The following CRYBG3 variants were observed in gnomAD, a reference collection of about 807,000 sequenced individuals.
CRYBG3 encodes very large A-kinase anchor protein.
Under a neutral mutation model 244.2 loss-of-function variants are expected in CRYBG3, and 127 were observed. The observed-to-expected ratio is 0.52, with a 90% CI of 0.45 to 0.60. The LOEUF (loss-of-function observed/expected upper bound fraction) is 0.60. Among genes scored for constraint, CRYBG3 ranks in the 20% least tolerant of loss-of-function variants. The pLI, the probability that CRYBG3 is intolerant of heterozygous loss-of-function variation, is 0.00. For synonymous variants in CRYBG3, 1,132 were observed against 1,195.8 expected (o/e 0.95, Z 1.10); for missense variants, 3,325 against 3,442.5 (o/e 0.97, Z 0.85).
chr3:97,840,380 G>T lies in CRYBG3; in HGVS notation c.150-2815G>T, dbSNP rs980740763. Reference sequence around the variant, plus strand: ...AAACTCAACACATTTTAAAATTTTGGTTTAGCAATAAGAATCATGCAACTT... The same window carrying T: ...AAACTCAACACATTTTAAAATTTTGTTTTAGCAATAAGAATCATGCAACTT... On this transcript the variant is annotated intron_variant, in intron 1 of 21. Transcript: ENST00000389622. Among the ~76,000 whole-genome samples, 5 of 152,040 alleles carry T rather than the reference G, an allele frequency of 3.3e-5. No homozygotes were observed. In the East Asian group the frequency reaches 9.7e-4, roughly 29 times the overall value.
At chr3:97,904,103 C>A (rs552453716) in intron 15 of CRYBG3, among the ~76,000 whole-genome samples, 6 of 152,190 alleles carry the variant, frequency 3.9e-5, no homozygotes, top group Non-Finnish European at 8.8e-5. Flanking sequence ...GACTGAATTT[C>A]TCCAAGGCTC....
chr3:97,902,695 G>A (rs1004971289), intron 15 of CRYBG3, among the ~76,000 whole-genome samples: 1 of 152,066 alleles, frequency 6.6e-6, no homozygotes, highest in Non-Finnish European at 1.5e-5. Context: ...TTATGAGTGA[G>A]AACATGCAGA....
intron 3 of CRYBG3, among the ~76,000 whole-genome samples, chr3:97,868,913 A>G (rs1258647692): frequency 1.3e-5 from 2 of 151,986 alleles, no homozygotes; most frequent in Non-Finnish European, 2.9e-5. Flanking sequence ...ATTTCTTGGT[A>G]TTGATTTCTT....
intron 15 of CRYBG3, among the ~76,000 whole-genome samples, chr3:97,910,306 C>T (rs1236656316): frequency 6.6e-6 from 1 of 152,198 alleles, no homozygotes; most frequent in Non-Finnish European, 1.5e-5. Context: ...GCTTTGTTTA[C>T]CTAATCAAGC....
At chr3:97,910,480 T>C (rs891980012) in intron 15 of CRYBG3, among the ~76,000 whole-genome samples, 28 of 152,172 alleles carry the variant, frequency 1.8e-4, no homozygotes, top group Non-Finnish European at 3.1e-4. Flanking sequence ...GCCGGAAAAG[T>C]GCAGTATTAG....
At chr3:97,869,007 GAAAAAAA>G (rs35129956) in intron 3 of CRYBG3, among the ~76,000 whole-genome samples, 4 of 144,334 alleles carry the variant, frequency 2.8e-5, no homozygotes, top group African/African-American at 1.0e-4. Context: ...TTAAAACTTT[GAAAAAAA>G]AAAACCTGTC....
In CRYBG3 at chr3:97,943,875, T is replaced by A. The variant is rs1182180764; in HGVS notation, c.*561T>A. On this transcript the variant is annotated 3_prime_UTR_variant, in exon 22 of 22. Transcript: ENST00000389622. ...ACGCACCTCGTTAAGTATTTATACT[T>A]GTAACTAACCCCAGGCAGGGACCTC... 6.6e-6 allele frequency: 1 copy of A among 152,016 alleles called. No homozygotes were observed. The highest frequency in any genetic ancestry group is 1.5e-5 in the Non-Finnish European group (1 of 67,938). 9.4% of individuals were successfully genotyped at this position (152,016 alleles called of 1,614,324 possible).
In CRYBG3 at chr3:97,876,835, A is replaced by T. The variant is rs1278057120; in HGVS notation, c.5641A>T (p.Thr1881Ser). ...ACATGGAACAGGACTAGAATTGACC[A>T]CTAAACAAGGGGAGGCCATGCTTCC... ...KIHGTGLELT[T>S]KQGEAMLPAF... is the part of the protein sequence containing the mutation. The change falls in exon 4 of 22, where the codon ACT becomes TCT. Residue 1881 changes from threonine to serine, a missense_variant. Coordinates refer to ENST00000389622, the MANE Select transcript of CRYBG3 (RefSeq NM_153605.4). The T allele has an allele frequency of 8.7e-6, 12 of 1,375,512 alleles. No homozygotes were observed. The East Asian group carries it at 3.2e-4, about 37-fold the overall frequency. The allele number at this position is 1,375,512 out of a possible 1,614,324, so 85.2% of individuals were successfully genotyped here.
chr3:97,918,534 T>C (rs1426270935), intron 17 of CRYBG3, among the ~76,000 whole-genome samples: 1 of 152,214 alleles, frequency 6.6e-6, no homozygotes, highest in Non-Finnish European at 1.5e-5. Flanking sequence ...CAAATAAGTA[T>C]CCTGGTCATA....
At chr3:97,928,073 C>A (rs1471743944) in intron 17 of CRYBG3, among the ~76,000 whole-genome samples, 1 of 152,006 alleles carries the variant, frequency 6.6e-6, no homozygotes, top group African/African-American at 2.4e-5. Flanking sequence ...GAATATAAAT[C>A]ATTCTATCAT....
intron 1 of CRYBG3, among the ~76,000 whole-genome samples, chr3:97,831,516 G>A (rs1042628761): frequency 6.6e-6 from 1 of 152,054 alleles, no homozygotes; most frequent in Non-Finnish European, 1.5e-5. Context: ...ATGTCAAAGT[G>A]CCATATTTTG....
At chr3:97,938,796 T>TTTA (rs957511142) in intron 19 of CRYBG3, among the ~76,000 whole-genome samples, 16 of 151,704 alleles carry the variant, frequency 1.1e-4, no homozygotes, top group Non-Finnish European at 1.8e-4. Flanking sequence ...TTGAAAATTT[T>TTTA]TTATTATTAT....
chr3:97,823,322 C>T (rs2038532936), intron 1 of CRYBG3, among the ~76,000 whole-genome samples: 1 of 152,126 alleles, frequency 6.6e-6, no homozygotes, highest in South Asian at 2.1e-4. Flanking sequence ...ACCGTGTTTA[C>T]TTCGGACTCA....
At chr3:97,913,529 A>C (rs1357365554) in intron 16 of CRYBG3, among the ~76,000 whole-genome samples, 1 of 152,210 alleles carries the variant, frequency 6.6e-6, no homozygotes, top group Non-Finnish European at 1.5e-5. Flanking sequence ...TGGACATTGA[A>C]ATTTTAATTG....
rs1162166033 is a variant in CRYBG3 at position 97,876,176 on chromosome 3, C to T, written c.4982C>T (p.Thr1661Ile). Reference protein sequence around the residue: ...AEGDIVKTEMTPVTVDMENIY... With the variant: ...AEGDIVKTEMIPVTVDMENIY... The stretch of plus-strand genomic sequence containing the variant: ...GGGGATATTGTAAAGACTGAGATGA[C>T]ACCTGTTACAGTAGACATGGAAAAT... The change falls in exon 4 of 22, where the codon ACA (threonine) becomes ATA (isoleucine). Residue 1661 changes from threonine (T) to isoleucine (I), a missense_variant. Thr to Ile is a moderately conservative substitution (Grantham distance 89). Coordinates refer to ENST00000389622, the MANE Select transcript of CRYBG3 (RefSeq NM_153605.4). 3.2e-6 allele frequency: 4 copies of T among 1,231,508 alleles called. No homozygotes were observed. The highest frequency in any genetic ancestry group is 3.0e-6 in the Non-Finnish European group (3 of 987,808). 76.3% of individuals were successfully genotyped at this position (1,231,508 alleles called of 1,614,324 possible).
At chr3:97,869,752 G>A (rs1368000121) in intron 3 of CRYBG3, among the ~76,000 whole-genome samples, 5 of 152,088 alleles carry the variant, frequency 3.3e-5, no homozygotes, top group Admixed American at 2.6e-4. Flanking sequence ...CTTTATAATG[G>A]ACAATAAAAA....
intron 3 of CRYBG3, among the ~76,000 whole-genome samples, chr3:97,868,603 T>C (rs2039264682): frequency 6.6e-6 from 1 of 152,178 alleles, no homozygotes; most frequent in South Asian, 2.1e-4. Context: ...TGTAACTTAA[T>C]ATAAATTAAC....
intron 15 of CRYBG3, among the ~76,000 whole-genome samples, chr3:97,910,270 C>T (rs1382691798): frequency 1.3e-5 from 2 of 152,144 alleles, no homozygotes; most frequent in African/African-American, 4.8e-5. Flanking sequence ...CTGTGGTGGG[C>T]TCCACCCAGT....
At chr3:97,869,584 A>T (rs189127736) in intron 3 of CRYBG3, among the ~76,000 whole-genome samples, 5 of 152,252 alleles carry the variant, frequency 3.3e-5, no homozygotes, top group South Asian at 2.1e-4. Flanking sequence ...TTAGATTTTT[A>T]AAAAATACCA....
Sources: allele counts gnomAD v4.1 joint callset (sites outside exome capture counted in the v4.1 genomes callset), GRCh38; gene constraint gnomAD v4.1.1; transcripts MANE v1.5; gene names NCBI Gene and HGNC (gene_info 2026-07-23, HGNC 2026-07-21).